ENPP1: variants seen among roughly 807,000 people sequenced by gnomAD.
ENPP1 encodes the protein ectonucleotide pyrophosphatase/phosphodiesterase 1, also known as ectonucleotide pyrophosphatase/phosphodiesterase family member 1.
A neutral mutation model predicts 122.8 loss-of-function variants in ENPP1; 73 were observed. The ratio of observed to expected loss-of-function variants is 0.59; its 90% CI spans 0.49 to 0.72. ENPP1 has a LOEUF of 0.72. Among genes scored for constraint, ENPP1 ranks in the 30% least tolerant of loss-of-function variants. The pLI is 0.00. For missense variants in ENPP1, 978 were observed against 1,128.1 expected (o/e 0.87, Z 1.91); for synonymous variants, 367 against 391.6 (o/e 0.94, Z 0.74).
chr6:131,826,405 C>T, intron 1 of ENPP1: 1 of 930,938 alleles, frequency 1.1e-6, no homozygotes, highest in Non-Finnish European at 1.7e-6. Context: ...AATAGGACCC[C>T]AAAAGAGCTG....
intron 5 of ENPP1, among the ~76,000 whole-genome samples, chr6:131,853,725 T>C (rs1425964575): frequency 6.6e-6 from 1 of 152,172 alleles, no homozygotes; most frequent in African/African-American, 2.4e-5. Context: ...AGGTATTTCC[T>C]GTCAAGTTTT....
At chr6:131,822,003 A>G (rs1781490361) in intron 1 of ENPP1, among the ~76,000 whole-genome samples, 1 of 152,226 alleles carries the variant, frequency 6.6e-6, no homozygotes, top group Non-Finnish European at 1.5e-5. Flanking sequence ...ATACTAGGAA[A>G]CAGGTGAATG....
intron 1 of ENPP1, among the ~76,000 whole-genome samples, chr6:131,809,796 T>G (rs902586521): frequency 7.9e-5 from 12 of 152,208 alleles, no homozygotes; most frequent in African/African-American, 2.4e-4. Flanking sequence ...GCTCATTTAC[T>G]TATACATCCA....
intron 15 of ENPP1, among the ~76,000 whole-genome samples, chr6:131,873,464 G>A (rs140020891): frequency 6.6e-6 from 1 of 152,224 alleles, no homozygotes; most frequent in Non-Finnish European, 1.5e-5. Context: ...GCTTGCCATT[G>A]CATGTCTCCT....
At chr6:131,808,384 A>T (rs545840805) in intron 1 of ENPP1, 109 bp downstream of exon 1, 1 of 1,319,322 alleles carries the variant, frequency 7.6e-7, no homozygotes, top group Non-Finnish European at 9.8e-7. Flanking sequence ...GGAGAGAGGC[A>T]TGGTCCGGGA....
intron 1 of ENPP1, among the ~76,000 whole-genome samples, chr6:131,824,024 T>TA (rs1483840684): frequency 1.3e-5 from 2 of 151,366 alleles, no homozygotes; most frequent in African/African-American, 2.4e-5. Flanking sequence ...ATTTAACAAA[T>TA]ATGTAGAGTT....
At chr6:131,820,908 ATAGAGACAAAATCATAT>A (rs761884393) in intron 1 of ENPP1, among the ~76,000 whole-genome samples, 7 of 152,266 alleles carry the variant, frequency 4.6e-5, no homozygotes, top group Non-Finnish European at 8.8e-5. Flanking sequence ...CAACTGTAGC[ATAGAGACAAAATCATAT>A]TAGAGTGTGT....
chr6:131,855,125 C>A, intron 6 of ENPP1, 102 bp downstream of exon 6: 2 of 877,488 alleles, frequency 2.3e-6, no homozygotes, highest in Non-Finnish European at 3.9e-6. Flanking sequence ...CTAACTGTTT[C>A]ACTAAACTTT....
chr6:131,860,237 C>T (rs1782000700), intron 7 of ENPP1, 150 bp from the exon 8 acceptor site: 1 of 621,314 alleles, frequency 1.6e-6, no homozygotes, highest in African/African-American at 1.9e-5. Context: ...TGCGTTTTGC[C>T]ATTACCTGAT....
intron 14 of ENPP1, among the ~76,000 whole-genome samples, chr6:131,872,568 A>C (rs1490464925): frequency 6.6e-6 from 1 of 152,178 alleles, no homozygotes; most frequent in Admixed American, 6.6e-5. Flanking sequence ...GGATGTTTGA[A>C]AATAGAACCA....
intron 12 of ENPP1, among the ~76,000 whole-genome samples, chr6:131,868,454 G>A (rs1316486439): frequency 6.6e-6 from 1 of 151,834 alleles, no homozygotes; most frequent in Non-Finnish European, 1.5e-5. Context: ...TTTTGTTGTT[G>A]TTTTTGAGAC....
rs1372722239 is a variant in ENPP1, at chr6:131,883,677, C to T, written c.2231-17C>T. The T allele has an allele frequency of 2.6e-6, 3 of 1,170,676 alleles. No homozygotes were observed. The highest frequency in any genetic ancestry group is 4.7e-5 in the East Asian group (2 of 42,570). The allele number at this position is 1,170,676 out of a possible 1,614,324, so 72.5% of individuals were successfully genotyped here. A position where few individuals can be genotyped will look rare whatever the true frequency, so the allele number is the denominator to read the frequency against. Reference sequence around the variant, plus strand: ...ATTTGTGAAGAATGAAAAAGTTGTCCTCTTTTCTCTTTGTAGAACTAAATA... The same window carrying T: ...ATTTGTGAAGAATGAAAAAGTTGTCTTCTTTTCTCTTTGTAGAACTAAATA... On this transcript the variant is annotated splice_polypyrimidine_tract_variant and intron_variant, in intron 21 of 24. Transcript: ENST00000647893.
intron 16 of ENPP1, among the ~76,000 whole-genome samples, chr6:131,875,388 G>A (rs1782216247): frequency 6.6e-6 from 1 of 152,012 alleles, no homozygotes; most frequent in African/African-American, 2.4e-5. Context: ...TTCTGAGAAG[G>A]ATAATATCTT....
intron 3 of ENPP1, among the ~76,000 whole-genome samples, chr6:131,850,906 A>T (rs2114692274): frequency 6.6e-6 from 1 of 152,318 alleles, no homozygotes; most frequent in Middle Eastern, 3.4e-3. Flanking sequence ...GGTGCATCTA[A>T]ATTTGAAAAT....
At chr6:131,867,210 T>C (rs1408031489) in intron 11 of ENPP1, among the ~76,000 whole-genome samples, 2 of 152,234 alleles carry the variant, frequency 1.3e-5, no homozygotes, top group East Asian at 3.8e-4. Context: ...TCTTGTTTCA[T>C]GTTACAGTGA....
intron 1 of ENPP1, among the ~76,000 whole-genome samples, chr6:131,846,200 C>T (rs1286339304): frequency 6.6e-6 from 1 of 152,164 alleles, no homozygotes; most frequent in Non-Finnish European, 1.5e-5. Context: ...AAAGCCTCCA[C>T]CAACCATCTA....
chr6:131,826,592 G>T, intron 1 of ENPP1: 1 of 1,084,256 alleles, frequency 9.2e-7, no homozygotes, highest in Non-Finnish European at 1.4e-6. Flanking sequence ...ATGGAGTATG[G>T]AATGCATTCC....
chr6:131,887,855 G>A (rs1337375186), intron 24 of ENPP1, among the ~76,000 whole-genome samples: 9 of 139,226 alleles, frequency 6.5e-5, no homozygotes, highest in South Asian at 2.3e-4. Context: ...GTGAGCCACC[G>A]TGCCTGGCCT....
In ENPP1 at chr6:131,886,614, A is replaced by G. The variant is rs1386102458; in HGVS notation, c.2497A>G (p.Ile833Val). ...AATTTTGATTCCAACTCACTTCTTT[A>G]TTGTGCTAACAAGCTGTAAAGATAC... ...QEILIPTHFFIVLTSCKDTSQ... is the reference protein window; with the variant it reads ...QEILIPTHFFVVLTSCKDTSQ... The change falls in exon 24 of 25, where the codon ATT (isoleucine) becomes GTT (valine). Residue 833 changes from isoleucine (I) to valine (V), a missense_variant. Ile to Val is a conservative substitution (Grantham distance 29). Coordinates refer to ENST00000647893, the MANE Select transcript of ENPP1 (RefSeq NM_006208.3). 6.2e-7 allele frequency: 1 copy of G among 1,614,012 alleles called. No homozygotes were observed. The highest frequency in any genetic ancestry group is 2.2e-5 in the East Asian group (1 of 44,860).
Sources: gnomAD v4.1 joint callset for allele counts (sites outside exome capture counted in the v4.1 genomes callset) on GRCh38, gnomAD v4.1.1 for gene constraint, MANE v1.5 for transcripts, NCBI Gene and HGNC (gene_info 2026-07-23, HGNC 2026-07-21) for gene names.